ESRRG: variants seen among roughly 807,000 people sequenced by gnomAD.
The protein encoded by ESRRG is estrogen related receptor gamma.
Under a neutral mutation model 44.0 loss-of-function variants are expected in ESRRG, and 13 were observed. The ratio of observed to expected loss-of-function variants is 0.30; its 90% CI spans 0.19 to 0.47. ESRRG has a LOEUF of 0.47. Ranked by LOEUF, ESRRG falls within the 20% of genes least tolerant of loss-of-function variation. ESRRG has a pLI of 1.00. For missense variants in ESRRG, 395 were observed against 580.6 expected, an observed-to-expected ratio of 0.68 and a Z score of 3.29; for synonymous variants, 215 against 214.6, an observed-to-expected ratio of 1.00 and a Z score of -0.02.
At chr1:216,953,010 A>G (rs956130232) in intron 1 of ESRRG, among the ~76,000 whole-genome samples, 1 of 152,134 alleles carries the variant, frequency 6.6e-6, no homozygotes, top group Non-Finnish European at 1.5e-5. Flanking sequence ...TGTATGTGGG[A>G]GTATGCACAC....
intron 5 of ESRRG, among the ~76,000 whole-genome samples, chr1:216,527,901 T>C (rs1360517913): frequency 2.0e-5 from 3 of 152,112 alleles, no homozygotes; most frequent in South Asian, 2.1e-4. Context: ...TTGATAGATG[T>C]ATCTGTATCC....
rs1053180263 is a variant in ESRRG at position 216,723,415 on chromosome 1, T to C, written c.-116A>G. The C allele has an allele frequency of 5.4e-6, 5 of 929,432 alleles. No individual in the cohort carries two copies. In the African/African-American group the frequency reaches 6.6e-5, roughly 12 times the overall value. The allele number at this position is 929,432 out of a possible 1,614,324, so 57.6% of individuals were successfully genotyped here. A position where few individuals can be genotyped will look rare whatever the true frequency, so the allele number is the denominator to read the frequency against. ...GTGACAAGCCTATAGGCACAGCCAG[T>C]TGGGACCAAAGCTCTCACACTCTCC... On this transcript the variant is annotated 5_prime_UTR_variant, in exon 1 of 7. Transcript: ENST00000408911.
At chr1:216,527,412 C>T (rs183546549) in intron 5 of ESRRG, among the ~76,000 whole-genome samples, 16 of 152,174 alleles carry the variant, frequency 1.1e-4, no homozygotes, top group Admixed American at 5.2e-4. Context: ...ATGCCATTCC[C>T]TCATCAAAAT....
chr1:216,773,868 T>C (rs1208698801), intron 2 of ESRRG, among the ~76,000 whole-genome samples: 1 of 152,134 alleles, frequency 6.6e-6, no homozygotes, highest in East Asian at 1.9e-4. Context: ...TTGTCATAGA[T>C]AACATTCTAG....
At chr1:217,080,197 C>T (rs2091632160) in intron 1 of ESRRG, among the ~76,000 whole-genome samples, 1 of 152,124 alleles carries the variant, frequency 6.6e-6, no homozygotes, top group African/African-American at 2.4e-5. Flanking sequence ...TAGCATACGT[C>T]CCTTAAAGAG....
chr1:217,115,697 T>C (rs1286544565), intron 1 of ESRRG, among the ~76,000 whole-genome samples: 2 of 152,172 alleles, frequency 1.3e-5, no homozygotes, highest in Admixed American at 1.3e-4. Context: ...CTTCTTTGTC[T>C]GCCTGATCCA....
intron 6 of ESRRG, 126 bp from the exon 7 acceptor site, chr1:216,507,309 G>A: frequency 5.2e-6 from 3 of 575,698 alleles, no homozygotes; most frequent in Non-Finnish European, 8.5e-6. Context: ...CCTATGATTT[G>A]TTCAGAGTCT....
intron 5 of ESRRG, among the ~76,000 whole-genome samples, chr1:216,542,597 T>G (rs1009564546): frequency 6.6e-6 from 1 of 152,050 alleles, no homozygotes; most frequent in East Asian, 1.9e-4. Context: ...GTTACACATA[T>G]ATCTCTAATC....
At chr1:216,650,501 G>T (rs1041768908) in intron 3 of ESRRG, among the ~76,000 whole-genome samples, 4 of 151,910 alleles carry the variant, frequency 2.6e-5, no homozygotes, top group African/African-American at 9.7e-5. Context: ...AAAGCAAATA[G>T]AAAGCAATTT....
chr1:216,649,337 T>C (rs1559019588), intron 3 of ESRRG, among the ~76,000 whole-genome samples: 2 of 151,992 alleles, frequency 1.3e-5, no homozygotes. Flanking sequence ...GGCTATACCA[T>C]AAAAAGTACC....
intron 5 of ESRRG, among the ~76,000 whole-genome samples, chr1:216,551,188 CACAGAG>C (rs2056224524): frequency 6.7e-6 from 1 of 149,942 alleles, no homozygotes; most frequent in African/African-American, 2.5e-5. Context: ...ATAAAATACT[CACAGAG>C]ACAGTCTCCC....
intron 1 of ESRRG, among the ~76,000 whole-genome samples, chr1:216,945,950 G>A (rs929891811): frequency 6.6e-6 from 1 of 152,110 alleles, no homozygotes; most frequent in African/African-American, 2.4e-5. Flanking sequence ...TGGTTGGCAG[G>A]AGAAAAGTTA....
At chr1:216,643,516 G>A (rs1322978831) in intron 3 of ESRRG, among the ~76,000 whole-genome samples, 1 of 152,144 alleles carries the variant, frequency 6.6e-6, no homozygotes, top group East Asian at 1.9e-4. Flanking sequence ...AAAATAATTT[G>A]TCAAGCTAAA....
chr1:217,127,276 T>C (rs542572950), intron 1 of ESRRG, among the ~76,000 whole-genome samples: 44 of 152,308 alleles, frequency 2.9e-4, no homozygotes, highest in African/African-American at 1.1e-3. Flanking sequence ...CTTATATGTT[T>C]TGGTTATAAG....
chr1:217,082,587 C>A (rs1406985540), intron 1 of ESRRG, among the ~76,000 whole-genome samples: 1 of 152,018 alleles, frequency 6.6e-6, no homozygotes, highest in Non-Finnish European at 1.5e-5. Flanking sequence ...GCCTCTTTTT[C>A]CTTTTGGCTT....
chr1:216,569,176 G>GGAAGA (rs2060276181), intron 3 of ESRRG, among the ~76,000 whole-genome samples: 1 of 87,932 alleles, frequency 1.1e-5, no homozygotes, highest in Non-Finnish European at 2.6e-5. Flanking sequence ...GGAAGGGAAG[G>GGAAGA]GAAGGGAAGG....
rs201275482 is a variant in ESRRG at position 216,772,666 on chromosome 1, T to C, written c.-13-95175A>G. Reference sequence around the variant, plus strand: ...TGACCTACTTCAGAGAGAGTTAATCTTAGAAAACAATGGCATAGTGAGTTT... The same window carrying C: ...TGACCTACTTCAGAGAGAGTTAATCCTAGAAAACAATGGCATAGTGAGTTT... On this transcript the variant is annotated intron_variant, in intron 2 of 7. Coordinates refer to the ESRRG transcript ENST00000359162. Among the ~76,000 whole-genome samples the C allele has an allele frequency of 5.3e-5, 8 of 152,234 alleles. No homozygotes were observed. In the South Asian group the frequency reaches 6.2e-4, roughly 12 times the overall value.
intron 3 of ESRRG, among the ~76,000 whole-genome samples, chr1:216,650,141 T>C (rs2151041813): frequency 6.6e-6 from 1 of 152,296 alleles, no homozygotes. Context: ...GTGAATTTTC[T>C]GAAGAAAGGG....
At chr1:216,753,872 A>G (rs559907986) in intron 2 of ESRRG, among the ~76,000 whole-genome samples, 1 of 151,968 alleles carries the variant, frequency 6.6e-6, no homozygotes, top group African/African-American at 2.4e-5. Flanking sequence ...GTGTGCATGC[A>G]TTGTCTACAT....
Sources: allele counts gnomAD v4.1 joint callset (sites outside exome capture counted in the v4.1 genomes callset), GRCh38; gene constraint gnomAD v4.1.1; transcripts MANE v1.5; gene names NCBI Gene and HGNC (gene_info 2026-07-23, HGNC 2026-07-21).